The following KIRREL3 variants were observed in gnomAD, a reference collection of about 807,000 sequenced individuals.
KIRREL3 encodes kirre like nephrin family adhesion molecule 3.
KIRREL3 carries 36 observed loss-of-function variants against 89.7 expected under a neutral mutation model. The ratio of observed to expected loss-of-function variants is 0.40; its 90% CI spans 0.31 to 0.53. The LOEUF (loss-of-function observed/expected upper bound fraction) is 0.53. KIRREL3 is among the 20% of genes least tolerant of loss of function. The probability of loss-of-function intolerance (pLI) is 0.49; values close to 1 mark genes in which losing one functional copy is unlikely to be tolerated. For missense variants in KIRREL3, 864 were observed against 1,056.6 expected (o/e 0.82, Z 2.53); for synonymous variants, 445 against 441.4 (o/e 1.01, Z -0.10).
At position 126,520,247 on chromosome 11, in the gene KIRREL3, C is replaced by T. The variant is rs997103957; in HGVS notation, c.433+1068G>A. 2.0e-5 allele frequency among the ~76,000 whole-genome samples: 3 copies of T among 152,206 alleles called. No individual in the cohort carries two copies. The highest frequency in any genetic ancestry group is 6.5e-5 in the Admixed American group (1 of 15,292). ...GCACCCCAGCTGCTGACCCTGTTGT[C>T]GAACCTTCACAACAGCTGCTAAGGG... On this transcript the variant is annotated intron_variant, in intron 4 of 16. Coordinates refer to ENST00000525144, the MANE Select transcript of KIRREL3 (RefSeq NM_032531.4). This position sits in a 1 kb window ranked among gnomAD's most constrained non-coding sequence, Gnocchi z 4.9.
Position 126,736,152 on chromosome 11 carries a change from CAA to C in KIRREL3, c.56-173242_56-173241del, listed in dbSNP as rs1447357117. 6.6e-6 allele frequency among the ~76,000 whole-genome samples: 1 copy of C among 152,172 alleles called. No homozygotes were observed. Among genetic ancestry groups the C allele is most frequent in the Non-Finnish European group, 1.5e-5 (1 of 68,042 alleles). On this transcript the variant is annotated intron_variant, in intron 1 of 16. Coordinates refer to ENST00000525144, the MANE Select transcript of KIRREL3 (RefSeq NM_032531.4). This position sits in a 1 kb window ranked among gnomAD's most constrained non-coding sequence, Gnocchi z 5.0. ...CCTTGCATTTCTGTGGATTTGGTCA[CAA>C]GAGGGATTGTCTAGAGAGAACAGAT...
rs1018837437 is a variant in KIRREL3 at position 126,711,792 on chromosome 11, G to A, written c.56-148880C>T. ...AGTTCCCACTGTGCGAGGATGCTGT[G>A]CCAGCAAAGGGCTTCTTCAAGCCAC... On this transcript the variant is annotated intron_variant, in intron 1 of 16. Transcript: ENST00000525144. Among the ~76,000 whole-genome samples, 45 of 152,312 alleles carry A rather than the reference G, an allele frequency of 3.0e-4. 1 individual carries two copies. The highest frequency in any genetic ancestry group is 1.1e-3 in the African/African-American group (44 of 41,572).
At position 126,521,556 on chromosome 11, in the gene KIRREL3, C is replaced by A. The variant is rs1412473040; in HGVS notation, c.284-92G>T. ...ACAGAATGGAGGACCCAAGCAGGGGCCATTCTACAAGGCTGGCAGAGCGGG... is the reference window on the plus strand; with the variant it reads ...ACAGAATGGAGGACCCAAGCAGGGGACATTCTACAAGGCTGGCAGAGCGGG... On this transcript the variant is annotated intron_variant, in intron 3 of 16. Transcript: ENST00000525144. This position sits in a 1 kb window ranked among gnomAD's most constrained non-coding sequence, Gnocchi z 4.1. The A allele has an allele frequency of 1.4e-6, 1 of 736,654 alleles. No individual in the cohort carries two copies. The highest frequency in any genetic ancestry group is 1.9e-6 in the Non-Finnish European group (1 of 518,960). 45.6% of individuals were successfully genotyped at this position (736,654 alleles called of 1,614,324 possible). A position where few individuals can be genotyped will look rare whatever the true frequency, so the allele number is the denominator to read the frequency against.
chr11:126,597,191 A>C (rs1436621899), intron 1 of KIRREL3, among the ~76,000 whole-genome samples: 1 of 152,150 alleles, frequency 6.6e-6, no homozygotes, highest in East Asian at 1.9e-4. Flanking sequence ...TCTCTGTGGC[A>C]GGGGGCCCTC....
rs190220933 is a variant in KIRREL3, at chr11:126,645,433, G to T, written c.56-82521C>A. Among the ~76,000 whole-genome samples the T allele has an allele frequency of 6.6e-6, 1 of 152,090 alleles. No individual in the cohort carries two copies. The highest frequency in any genetic ancestry group is 1.5e-5 in the Non-Finnish European group (1 of 68,020). On this transcript the variant is annotated intron_variant, in intron 1 of 16. Coordinates refer to ENST00000525144, the MANE Select transcript of KIRREL3 (RefSeq NM_032531.4). This position sits in a 1 kb window ranked among gnomAD's most constrained non-coding sequence, Gnocchi z 4.9. ...TGAGGGCAGAGACCAGACCATCTCC[G>T]CAGCCTCTCAGGCTACAGGGTACCC...
In KIRREL3 at chr11:126,837,979, G is replaced by A. The variant is rs1283834872; in HGVS notation, c.55+162476C>T. 1.3e-5 allele frequency among the ~76,000 whole-genome samples: 2 copies of A among 152,116 alleles called. No homozygotes were observed. The highest frequency in any genetic ancestry group is 2.9e-5 in the Non-Finnish European group (2 of 68,040). ...TTATCTTGGGTTATTTGGAATTCAC[G>A]TTATTTATATTACTAATCCTGTCCC... On this transcript the variant is annotated intron_variant, in intron 1 of 16. Coordinates refer to ENST00000525144, the MANE Select transcript of KIRREL3 (RefSeq NM_032531.4). This position sits in a 1 kb window ranked among gnomAD's most constrained non-coding sequence, Gnocchi z 4.7.
intron 1 of KIRREL3, among the ~76,000 whole-genome samples, chr11:126,887,456 G>A (rs1044210790): frequency 1.3e-5 from 2 of 152,134 alleles, no homozygotes; most frequent in Non-Finnish European, 2.9e-5. Context: ...TAGCTTCTGT[G>A]CTGTTCTTTT....
At position 126,903,404 on chromosome 11, in the gene KIRREL3, C is replaced by T. The variant is rs1946450724; in HGVS notation, c.55+97051G>A. Among the ~76,000 whole-genome samples, 1 of 152,082 alleles carries T rather than the reference C, an allele frequency of 6.6e-6. No homozygotes were observed. The highest frequency in any genetic ancestry group is 2.4e-5 in the African/African-American group (1 of 41,420). ...CTCTCCATGGATACAGTGTCTGTGG[C>T]AATGTTTAATTAGAGATTAAAATTG... On this transcript the variant is annotated intron_variant, in intron 1 of 16. Coordinates refer to ENST00000525144, the MANE Select transcript of KIRREL3 (RefSeq NM_032531.4). The surrounding 1 kb of genome is among the most constrained non-coding windows in gnomAD (Gnocchi z 4.5).
chr11:126,849,149 A>G (rs1003423617), intron 1 of KIRREL3, among the ~76,000 whole-genome samples: 8 of 152,190 alleles, frequency 5.3e-5, no homozygotes, highest in Non-Finnish European at 1.2e-4. Flanking sequence ...AGTTTGTGTT[A>G]AAGAAGCCAG....
rs1464153576 is a variant in KIRREL3, at chr11:126,709,426, C to T, written c.56-146514G>A. 6.6e-6 allele frequency among the ~76,000 whole-genome samples: 1 copy of T among 152,322 alleles called. No individual in the cohort carries two copies. Among genetic ancestry groups the T allele is most frequent in the African/African-American group, 2.4e-5 (1 of 41,574 alleles). Reference sequence around the variant, plus strand: ...AGTTCACACCTAACTGGCTAAAGTACAGGCAAACACCTGCTAATGAGTGGT... The same window carrying T: ...AGTTCACACCTAACTGGCTAAAGTATAGGCAAACACCTGCTAATGAGTGGT... On this transcript the variant is annotated intron_variant, in intron 1 of 16. Coordinates refer to ENST00000525144, the MANE Select transcript of KIRREL3 (RefSeq NM_032531.4). The surrounding 1 kb of genome is among the most constrained non-coding windows in gnomAD (Gnocchi z 4.0).
intron 1 of KIRREL3, among the ~76,000 whole-genome samples, chr11:126,678,904 C>T (rs938741211): frequency 3.9e-5 from 6 of 152,164 alleles, no homozygotes; most frequent in Non-Finnish European, 5.9e-5. Flanking sequence ...AGGTTGAATT[C>T]GATTACAATG....
In KIRREL3 at chr11:126,781,093, G is replaced by A. The variant is rs1430098842; in HGVS notation, c.56-218181C>T. Among the ~76,000 whole-genome samples the A allele has an allele frequency of 3.3e-5, 5 of 152,172 alleles. No homozygotes were observed. In the South Asian group the frequency reaches 8.3e-4, roughly 25 times the overall value. ...GAGGGTGAAAAGGGTGGGTGTGGAC[G>A]TGCATGTGGTGTGAGTGTGAGTGGG... On this transcript the variant is annotated intron_variant, in intron 1 of 16. Coordinates refer to ENST00000525144, the MANE Select transcript of KIRREL3 (RefSeq NM_032531.4).
In KIRREL3 at chr11:126,739,673, G is replaced by A. The variant is rs1948915448; in HGVS notation, c.56-176761C>T. 6.6e-6 allele frequency among the ~76,000 whole-genome samples: 1 copy of A among 152,184 alleles called. No individual in the cohort carries two copies. Among genetic ancestry groups the A allele is most frequent in the African/African-American group, 2.4e-5 (1 of 41,448 alleles). On this transcript the variant is annotated intron_variant, in intron 1 of 16. Coordinates refer to ENST00000525144, the MANE Select transcript of KIRREL3 (RefSeq NM_032531.4). The surrounding 1 kb of genome is among the most constrained non-coding windows in gnomAD (Gnocchi z 5.5). ...AAACCACAGTTAAGGTATGTGTGGA[G>A]GTACTATGCAGGCAAACCAGCCCAC...
Position 126,620,848 on chromosome 11 carries a change from G to T in KIRREL3, c.56-57936C>A, listed in dbSNP as rs2134837730. 6.6e-6 allele frequency among the ~76,000 whole-genome samples: 1 copy of T among 152,292 alleles called. No homozygotes were observed. The highest frequency in any genetic ancestry group is 1.9e-4 in the East Asian group (1 of 5,186). The stretch of plus-strand genomic sequence containing the variant: ...CTTGGAGCAGCAACTAGTGAGGAAG[G>T]CCGTACCCCACTTGCTGGATGAGAA... On this transcript the variant is annotated intron_variant, in intron 1 of 16. Transcript: ENST00000525144. This position sits in a 1 kb window ranked among gnomAD's most constrained non-coding sequence, Gnocchi z 4.8.
chr11:126,565,926 GA>G lies in KIRREL3; in HGVS notation c.56-3015del, dbSNP rs1462956412. Among the ~76,000 whole-genome samples, 3 of 152,050 alleles carry G rather than the reference GA, an allele frequency of 2.0e-5. No individual in the cohort carries two copies. The highest frequency in any genetic ancestry group is 4.4e-5 in the Non-Finnish European group (3 of 68,006). Reference sequence around the variant, plus strand: ...GAGAGATGATAGAACATGACAGAAAGAACAGGAATCTCTCTCTTTGTGAGGT... The same window carrying G: ...GAGAGATGATAGAACATGACAGAAAGACAGGAATCTCTCTCTTTGTGAGGT... On this transcript the variant is annotated intron_variant, in intron 1 of 16. Coordinates refer to ENST00000525144, the MANE Select transcript of KIRREL3 (RefSeq NM_032531.4). This position sits in a 1 kb window ranked among gnomAD's most constrained non-coding sequence, Gnocchi z 5.4.
intron 1 of KIRREL3, among the ~76,000 whole-genome samples, chr11:126,698,733 G>T (rs375836384): frequency 6.6e-6 from 1 of 152,230 alleles, no homozygotes; most frequent in South Asian, 2.1e-4. Flanking sequence ...CCTGAGGAGC[G>T]CTGCCCAGCG....
chr11:126,570,693 C>A lies in KIRREL3; in HGVS notation c.56-7781G>T, dbSNP rs112030807. The stretch of plus-strand genomic sequence containing the variant: ...ATGCCATTATTTGGCTGGCATAGCT[C>A]TATCCCCCATGCGGCCAAGGCAGGC... On this transcript the variant is annotated intron_variant, in intron 1 of 16. Coordinates refer to ENST00000525144, the MANE Select transcript of KIRREL3 (RefSeq NM_032531.4). The surrounding 1 kb of genome is among the most constrained non-coding windows in gnomAD (Gnocchi z 6.1). 6.6e-6 allele frequency among the ~76,000 whole-genome samples: 1 copy of A among 152,180 alleles called. No homozygotes were observed. The highest frequency in any genetic ancestry group is 1.5e-5 in the Non-Finnish European group (1 of 68,040).
chr11:126,488,139 G>A (rs1957416704), intron 4 of KIRREL3, among the ~76,000 whole-genome samples: 1 of 152,218 alleles, frequency 6.6e-6, no homozygotes, highest in African/African-American at 2.4e-5. Flanking sequence ...GGCCTCCTAT[G>A]TTCATCTGAG....
intron 1 of KIRREL3, among the ~76,000 whole-genome samples, chr11:126,928,928 T>C (rs1947826999): frequency 6.6e-6 from 1 of 152,082 alleles, no homozygotes; most frequent in Non-Finnish European, 1.5e-5. Flanking sequence ...AGCAAACCCA[T>C]GATTGGTCAA....
Sources: allele counts gnomAD v4.1 joint callset (sites outside exome capture counted in the v4.1 genomes callset), GRCh38; gene constraint gnomAD v4.1.1; non-coding constraint Gnocchi (gnomAD v3.1); transcripts MANE v1.5; gene names NCBI Gene and HGNC (gene_info 2026-07-23, HGNC 2026-07-21).